ARHGAP25: variants seen among roughly 807,000 people sequenced by gnomAD.
ARHGAP25 encodes Rho GTPase activating protein 25.
A neutral mutation model predicts 71.0 loss-of-function variants in ARHGAP25; 34 were observed. The observed-to-expected ratio is 0.48, with a 90% CI of 0.36 to 0.64. The LOEUF (loss-of-function observed/expected upper bound fraction) is 0.64. Ranked by LOEUF, ARHGAP25 falls within the 30% of genes least tolerant of loss-of-function variation. ARHGAP25 has a pLI of 0.00. For synonymous variants in ARHGAP25, 282 were observed against 296.5 expected (o/e 0.95, Z 0.50); for missense variants, 706 against 805.1 (o/e 0.88, Z 1.49).
chr2:68,738,999 A>C (rs1286062790), intron 1 of ARHGAP25, among the ~76,000 whole-genome samples: 1 of 152,160 alleles, frequency 6.6e-6, no homozygotes, highest in African/African-American at 2.4e-5. Flanking sequence ...TTAGGCATAA[A>C]TTAAATTCTC....
chr2:68,753,993 C>T (rs894322607), intron 1 of ARHGAP25, among the ~76,000 whole-genome samples: 1 of 151,288 alleles, frequency 6.6e-6, no homozygotes, highest in African/African-American at 2.4e-5. Flanking sequence ...AGCTCTGCCT[C>T]CCAGGTTCAC....
chr2:68,812,935 A>G (rs147052535), intron 5 of ARHGAP25, among the ~76,000 whole-genome samples: 4 of 152,374 alleles, frequency 2.6e-5, no homozygotes, highest in Non-Finnish European at 5.9e-5. Context: ...CACAAGCAAT[A>G]TTAGAGACTA....
intron 1 of ARHGAP25, among the ~76,000 whole-genome samples, chr2:68,774,649 TG>T (rs1420161128): frequency 6.6e-6 from 1 of 152,058 alleles, no homozygotes; most frequent in East Asian, 1.9e-4. Context: ...GGCCGGGGGC[TG>T]GGGTTTGAGT....
chr2:68,718,082 C>T lies in ARHGAP25; in HGVS notation c.-18+7384C>T, dbSNP rs142705794. On this transcript the variant is annotated intron_variant and NMD_transcript_variant, in intron 2 of 7. Transcript: ENST00000463483. ...CTGTGAACACTCAGCAGCTACTATGCACTCATCAAAGAGTGTTATAAAGGG... is the reference window on the plus strand; with the variant it reads ...CTGTGAACACTCAGCAGCTACTATGTACTCATCAAAGAGTGTTATAAAGGG... 3.8e-4 allele frequency among the ~76,000 whole-genome samples: 57 copies of T among 151,836 alleles called. No individual in the cohort carries two copies. In the East Asian group the frequency reaches 7.9e-3, roughly 21 times the overall value.
intron 10 of ARHGAP25, 135 bp downstream of exon 10, chr2:68,823,007 A>G: frequency 2.2e-6 from 2 of 924,116 alleles, no homozygotes; most frequent in Non-Finnish European, 3.1e-6. Context: ...GCAGGCCTAG[A>G]AAGAAAAGAG....
chr2:68,813,458 A>T, intron 6 of ARHGAP25, 39 bp downstream of exon 6: 3 of 1,595,922 alleles, frequency 1.9e-6, no homozygotes, highest in Non-Finnish European at 2.6e-6. Context: ...CTTAGAAGAA[A>T]GTGATTGGTT....
intron 2 of ARHGAP25, among the ~76,000 whole-genome samples, chr2:68,779,842 T>C (rs896674167): frequency 6.6e-6 from 1 of 152,218 alleles, no homozygotes; most frequent in Admixed American, 6.5e-5. Context: ...TGGTGTCTCT[T>C]CCTCTTACCT....
chr2:68,789,977 A>C (rs899444853), intron 4 of ARHGAP25, among the ~76,000 whole-genome samples: 1 of 152,074 alleles, frequency 6.6e-6, no homozygotes, highest in Non-Finnish European at 1.5e-5. Context: ...CTGATACAGC[A>C]TCTCAGATTA....
intron 2 of ARHGAP25, among the ~76,000 whole-genome samples, chr2:68,714,607 T>C (rs1188424479): frequency 1.3e-5 from 2 of 152,336 alleles, no homozygotes; most frequent in East Asian, 1.9e-4. Context: ...TCCTGCTTTC[T>C]CCTTTGGGCA....
chr2:68,754,321 T>C (rs1440093117), intron 1 of ARHGAP25, among the ~76,000 whole-genome samples: 1 of 152,080 alleles, frequency 6.6e-6, no homozygotes, highest in Non-Finnish European at 1.5e-5. Flanking sequence ...TTTGCTTTTT[T>C]CAAAATGTCA....
chr2:68,779,996 C>G (rs1678206150), intron 2 of ARHGAP25, among the ~76,000 whole-genome samples: 1 of 152,202 alleles, frequency 6.6e-6, no homozygotes, highest in South Asian at 2.1e-4. Context: ...TAAGTAAAGC[C>G]TTATTTGTAA....
At chr2:68,793,749 G>T (rs543938046) in intron 4 of ARHGAP25, among the ~76,000 whole-genome samples, 19 of 152,002 alleles carry the variant, frequency 1.2e-4, no homozygotes, top group Admixed American at 2.6e-4. Flanking sequence ...GGTTTCTTTG[G>T]CTATTTGAGC....
chr2:68,804,737 A>C (rs114335253), intron 4 of ARHGAP25, among the ~76,000 whole-genome samples: 211 of 152,332 alleles, frequency 1.4e-3, no homozygotes, highest in African/African-American at 4.9e-3. Flanking sequence ...TTCATATATC[A>C]AGGAGATTCC....
chr2:68,818,041 T>C lies in ARHGAP25; in HGVS notation c.1003+47T>C, dbSNP rs754457064. 5 of 1,608,236 alleles carry C rather than the reference T, an allele frequency of 3.1e-6. No homozygotes were observed. In the East Asian group the frequency reaches 1.1e-4, roughly 36 times the overall value. ...AAGCAGGTACCCAGGAAATAACAAT[T>C]ACAACATTCCCCCTGATATTTGTGC... On this transcript the variant is annotated intron_variant, in intron 8 of 10. Coordinates refer to ENST00000409202, the MANE Select transcript of ARHGAP25 (RefSeq NM_001007231.3).
intron 5 of ARHGAP25, among the ~76,000 whole-genome samples, chr2:68,811,464 T>C (rs13022100): frequency 0.57 from 86,033 of 152,036 alleles, 24,874 homozygotes; most frequent in East Asian, 0.87. Flanking sequence ...AAGTACTTTT[T>C]CTAGCCTGGC....
intron 1 of ARHGAP25, among the ~76,000 whole-genome samples, chr2:68,771,302 C>G (rs1468708016): frequency 6.6e-6 from 1 of 152,192 alleles, no homozygotes; most frequent in Admixed American, 6.5e-5. Flanking sequence ...CTGCAGCCCC[C>G]TCTCCAACCC....
At chr2:68,713,795 A>G (rs995311665) in intron 2 of ARHGAP25, among the ~76,000 whole-genome samples, 2 of 152,236 alleles carry the variant, frequency 1.3e-5, no homozygotes, top group African/African-American at 4.8e-5. Context: ...GTGATGGATC[A>G]CATTTATTGA....
chr2:68,723,909 T>C (rs1674823330), intron 2 of ARHGAP25, among the ~76,000 whole-genome samples: 1 of 144,604 alleles, frequency 6.9e-6, no homozygotes, highest in African/African-American at 2.6e-5. Context: ...AGGCTCTCAC[T>C]CGGTTGCCTT....
chr2:68,793,606 G>C (rs1003543762), intron 4 of ARHGAP25, among the ~76,000 whole-genome samples: 3 of 151,964 alleles, frequency 2.0e-5, no homozygotes, highest in Non-Finnish European at 4.4e-5. Context: ...TTTATTGCTG[G>C]GTTCTCTATT....
Sources: gnomAD v4.1 joint callset for allele counts (sites outside exome capture counted in the v4.1 genomes callset) on GRCh38, gnomAD v4.1.1 for gene constraint, MANE v1.5 for transcripts, NCBI Gene and HGNC (gene_info 2026-07-23, HGNC 2026-07-21) for gene names.